NOL11: variants seen among roughly 807,000 people sequenced by gnomAD.
The protein encoded by NOL11 is nucleolar protein 11.
A neutral mutation model predicts 93.0 loss-of-function variants in NOL11; 42 were observed. That is an observed-to-expected ratio of 0.45 (90% CI 0.35 to 0.58). NOL11 has a LOEUF of 0.58. Among genes scored for constraint, NOL11 ranks in the 20% least tolerant of loss-of-function variants. The pLI is 0.00. For missense variants in NOL11, 775 were observed against 841.8 expected, an observed-to-expected ratio of 0.92 and a Z score of 0.98; for synonymous variants, 296 against 293.7, an observed-to-expected ratio of 1.01 and a Z score of -0.08.
chr17:67,737,620 G>A lies in NOL11; in HGVS notation c.1331G>A (p.Cys444Tyr), dbSNP rs1019935434. 1.2e-6 allele frequency: 2 copies of A among 1,614,038 alleles called. No homozygotes were observed. The highest frequency in any genetic ancestry group is 1.7e-6 in the Non-Finnish European group (2 of 1,180,018). Residue 444 changes from cysteine (C) to tyrosine (Y), a missense_variant, in exon 12 of 18, where the codon TGT becomes TAT. By Grantham distance (194) the Cys-to-Tyr change is radical (BLOSUM62 -2). Coordinates refer to ENST00000253247, the MANE Select transcript of NOL11 (RefSeq NM_015462.5). ...GDTVTGLLER[C>Y]KAEPSFYPRN... ...ACAGTAACAGGACTTCTGGAAAGGT[G>A]TAAAGCAGAACCATCATTTTATCCC...
Position 67,736,700 on chromosome 17 carries a change from G to A in NOL11, c.1089G>A (p.Glu363=). ...TCGTGTCCCATTTTGTAAACTGGGA[G>A]ACACCTCAAGGATGTGGACTTGGGT... ...THVVSHFVNW[E]TPQGCGLGFQ... Residue 363 remains glutamate, a synonymous_variant, in exon 10 of 18, where the codon GAG becomes GAA. Coordinates refer to ENST00000253247, the MANE Select transcript of NOL11 (RefSeq NM_015462.5). The A allele has an allele frequency of 1.9e-6, 3 of 1,612,944 alleles. No homozygotes were observed. Among genetic ancestry groups the A allele is most frequent in the Non-Finnish European group, 2.5e-6 (3 of 1,179,418 alleles).
chr17:67,724,912 G>A (rs1361894777), intron 6 of NOL11, among the ~76,000 whole-genome samples: 1 of 152,048 alleles, frequency 6.6e-6, no homozygotes, highest in African/African-American at 2.4e-5. Context: ...CAAAAAATTA[G>A]CCAGGCATGG....
In NOL11 at chr17:67,737,590, G is replaced by C. The variant is rs868227935; in HGVS notation, c.1301G>C (p.Gly434Ala). Residue 434 changes from glycine to alanine, a missense_variant, in exon 12 of 18, where the codon GGG (glycine) becomes GCG (alanine). By Grantham distance (60) the Gly-to-Ala change is moderately conservative. Transcript: ENST00000253247. ...KQTPDFHTVI[G>A]DTVTGLLERC... Reference sequence around the variant, plus strand: ...ACACCTGACTTTCATACTGTCATTGGGGACACAGTAACAGGACTTCTGGAA... The same window carrying C: ...ACACCTGACTTTCATACTGTCATTGCGGACACAGTAACAGGACTTCTGGAA... 1.2e-6 allele frequency: 2 copies of C among 1,613,894 alleles called. No individual in the cohort carries two copies. Among genetic ancestry groups the C allele is most frequent in the African/African-American group, 1.3e-5 (1 of 74,920 alleles).
At position 67,744,004 on chromosome 17, in the gene NOL11, A is replaced by AT. The variant is rs769803775; in HGVS notation, c.*146dup. The AT allele has an allele frequency of 8.6e-6, 4 of 462,610 alleles. No homozygotes were observed. Among genetic ancestry groups the AT allele is most frequent in the South Asian group, 3.6e-5 (1 of 27,776 alleles). 28.7% of individuals were successfully genotyped at this position (462,610 alleles called of 1,614,324 possible). A position where few individuals can be genotyped will look rare whatever the true frequency, so the allele number is the denominator to read the frequency against. On this transcript the variant is annotated 3_prime_UTR_variant, in exon 18 of 18. Transcript: ENST00000253247. ...GAGTACCTGGACCATCACTTAACTG[A>AT]TGCTCCGGGGTAGGACTGCAGGTTT...
chr17:67,737,080 C>T lies in NOL11; in HGVS notation c.1153C>T (p.Arg385Ter), dbSNP rs750759556. 5.0e-6 allele frequency: 8 copies of T among 1,606,744 alleles called. No individual in the cohort carries two copies. In the African/African-American group the frequency reaches 6.7e-5, roughly 13 times the overall value. Reference protein sequence around the residue: ...SEQSRRILRRRKIEVSLQPEV... With the variant: ...SEQSRRILRR ...ATTTACTTAATTCCAGTTAAGGAGACGAAAAATTGAAGTGAGTTTACAGCC... is the reference window on the plus strand; with the variant it reads ...ATTTACTTAATTCCAGTTAAGGAGATGAAAAATTGAAGTGAGTTTACAGCC... The change falls in exon 11 of 18, where the codon CGA becomes TGA. Residue 385 changes from arginine (R) to a stop codon, truncating the protein, a stop_gained. Transcript: ENST00000253247. LOFTEE classifies it high-confidence loss of function.
chr17:67,738,058 A>C, intron 13 of NOL11, 64 bp from the exon 14 acceptor site: 1 of 1,552,352 alleles, frequency 6.4e-7, no homozygotes, highest in Non-Finnish European at 8.7e-7. Context: ...ATGCTTAGGA[A>C]ATGAAATTTT....
chr17:67,736,673 T>C lies in NOL11; in HGVS notation c.1062T>C (p.His354=). Residue 354 remains histidine, a synonymous_variant, in exon 10 of 18, where the codon CAT becomes CAC. Transcript: ENST00000253247. ...KLKHSQDPGT[H]VVSHFVNWET... is the part of the protein sequence containing the mutation. ...CATTTTGCATTTTCTTAGGAACTCA[T>C]GTCGTGTCCCATTTTGTAAACTGGG... 6.2e-7 allele frequency: 1 copy of C among 1,608,236 alleles called. No individual in the cohort carries two copies. Among genetic ancestry groups the C allele is most frequent in the South Asian group, 1.1e-5 (1 of 90,226 alleles).
At position 67,721,467 on chromosome 17, in the gene NOL11, CT is replaced by C. The variant is rs1208925367; in HGVS notation, c.404del (p.Leu135CysfsTer18). On this transcript the variant is annotated frameshift_variant, in exon 4 of 18. Coordinates refer to ENST00000253247, the MANE Select transcript of NOL11 (RefSeq NM_015462.5). LOFTEE classifies it high-confidence loss of function. Reference protein sequence around the residue: ...KEGAVRGLEALLADPQQKIET... With the variant: ...KEGAVRGLEAXLADPQQKIET... The stretch of plus-strand genomic sequence containing the variant: ...AAGGTGCTGTTCGTGGTTTAGAGGC[CT>C]TGCTTGCAGACCCCCAGCAGAAAAT... The C allele has an allele frequency of 6.2e-7, 1 of 1,613,852 alleles. No individual in the cohort carries two copies. Among genetic ancestry groups the C allele is most frequent in the East Asian group, 2.2e-5 (1 of 44,890 alleles).
rs1456459887 is a variant in NOL11 at position 67,738,342 on chromosome 17, A to G, written c.1750A>G (p.Arg584Gly). The change falls in exon 14 of 18, where the codon AGA becomes GGA. Residue 584 changes from arginine to glycine, a missense_variant. Transcript: ENST00000253247. ...CACTTCATGCCCTGTGGTACAAAAA[A>G]GAGCAGCTCTACTGTATCCTTTGAC... is the stretch of plus-strand genomic sequence containing the variant. ...ESTSCPVVQK[R>G]AALLNAILHS... 3 of 1,611,136 alleles carry G rather than the reference A, an allele frequency of 1.9e-6. No homozygotes were observed. Among genetic ancestry groups the G allele is most frequent in the Non-Finnish European group, 2.5e-6 (3 of 1,178,080 alleles).
At chr17:67,725,423 C>G (rs887517234) in intron 6 of NOL11, among the ~76,000 whole-genome samples, 2 of 152,060 alleles carry the variant, frequency 1.3e-5, no homozygotes, top group Non-Finnish European at 2.9e-5. Flanking sequence ...TTTGTGGTAC[C>G]CTCTCCCCTC....
intron 6 of NOL11, among the ~76,000 whole-genome samples, chr17:67,724,934 T>A (rs773523518): frequency 5.9e-5 from 9 of 152,086 alleles, no homozygotes; most frequent in Non-Finnish European, 1.0e-4. Flanking sequence ...GGCGGGTGCC[T>A]GTAATCCCAG....
intron 6 of NOL11, 139 bp downstream of exon 6, chr17:67,724,332 C>CTT (rs34287872): frequency 5.0e-3 from 1,242 of 249,952 alleles, no homozygotes; most frequent in Middle Eastern, 0.012. Flanking sequence ...CATGCCTTCA[C>CTT]TTTTTTTTTT....
At chr17:67,720,073 G>A in intron 3 of NOL11, 111 bp downstream of exon 3, 2 of 988,814 alleles carry the variant, frequency 2.0e-6, no homozygotes, top group Non-Finnish European at 1.4e-6. Flanking sequence ...TAAGCATAAG[G>A]TCCTAATCAG....
chr17:67,738,681 A>T, intron 14 of NOL11: 1 of 405,042 alleles, frequency 2.5e-6, no homozygotes, highest in Non-Finnish European at 4.4e-6. Flanking sequence ...TCAGATTTAA[A>T]AAAAAAAAAA....
At chr17:67,737,190 C>A in intron 11 of NOL11, 45 bp downstream of exon 11, 1 of 1,172,120 alleles carries the variant, frequency 8.5e-7, no homozygotes, top group East Asian at 2.3e-5. Flanking sequence ...CTCAAGTGTT[C>A]CAAAGAAATC....
chr17:67,732,018 A>T (rs998321255), intron 7 of NOL11, among the ~76,000 whole-genome samples: 27 of 152,210 alleles, frequency 1.8e-4, no homozygotes, highest in African/African-American at 6.0e-4. Context: ...GACCATTGGA[A>T]TTTTGATTGA....
intron 16 of NOL11, among the ~76,000 whole-genome samples, chr17:67,741,987 T>A (rs1282214154): frequency 6.6e-6 from 1 of 152,256 alleles, no homozygotes; most frequent in Admixed American, 6.5e-5. Flanking sequence ...CCTCTATTGA[T>A]GGTCATTTGT....
chr17:67,739,874 C>G (rs1316699127), intron 16 of NOL11, among the ~76,000 whole-genome samples: 1 of 152,154 alleles, frequency 6.6e-6, no homozygotes, highest in Non-Finnish European at 1.5e-5. Context: ...CAAGAATTTC[C>G]TCAGCCTTGA....
chr17:67,743,705 C>A, intron 17 of NOL11, 38 bp from the exon 18 acceptor site: 1 of 1,263,974 alleles, frequency 7.9e-7, no homozygotes, highest in Non-Finnish European at 1.1e-6. Flanking sequence ...TCTATGTAGA[C>A]ATTATGGTAA....
Sources: allele counts gnomAD v4.1 joint callset (sites outside exome capture counted in the v4.1 genomes callset), GRCh38; gene constraint gnomAD v4.1.1; transcripts MANE v1.5; gene names NCBI Gene and HGNC (gene_info 2026-07-23, HGNC 2026-07-21).